PDE6D: variants seen among roughly 807,000 people sequenced by gnomAD.
The protein encoded by PDE6D is phosphodiesterase 6D, also known as retinal rod rhodopsin-sensitive cGMP 3',5'-cyclic phosphodiesterase subunit delta.
A neutral mutation model predicts 21.9 loss-of-function variants in PDE6D; 10 were observed. The ratio of observed to expected loss-of-function variants is 0.46; its 90% CI spans 0.28 to 0.78. PDE6D has a LOEUF of 0.78. Ranked by LOEUF, PDE6D falls within the 30% of genes least tolerant of loss-of-function variation. The probability of loss-of-function intolerance (pLI) is 0.12; values close to 1 mark genes in which losing one functional copy is unlikely to be tolerated. For missense variants in PDE6D, 139 were observed against 184.8 expected (o/e 0.75, Z 1.44); for synonymous variants, 59 against 63.5 (o/e 0.93, Z 0.34).
chr2:231,781,252 CCT>C lies in PDE6D; in HGVS notation c.-140_-139del. The C allele has an allele frequency of 1.4e-6, 1 of 723,792 alleles. No homozygotes were observed. 44.8% of individuals were successfully genotyped at this position (723,792 alleles called of 1,614,324 possible). ...GCCGCAGCGGCCAGACCAGGACCGGCCTCTCTCTCCCCTCAGCTCCCGCTTCT... is the reference window on the plus strand; with the variant it reads ...GCCGCAGCGGCCAGACCAGGACCGGCCTCTCTCCCCTCAGCTCCCGCTTCT... On this transcript the variant is annotated 5_prime_UTR_variant, in exon 1 of 5. Coordinates refer to ENST00000287600, the MANE Select transcript of PDE6D (RefSeq NM_002601.4).
rs563584334 is a variant in PDE6D, at chr2:231,744,612, T to C, written c.51-5424A>G. On this transcript the variant is annotated intron_variant, in intron 1 of 4. Coordinates refer to ENST00000287600, the MANE Select transcript of PDE6D (RefSeq NM_002601.4). ...CCATGCCCGGCTAATTTTGTATTTT[T>C]AGTAGCGATGGGGTTTCTCCATGTT... Among the ~76,000 whole-genome samples the C allele has an allele frequency of 1.1e-4, 17 of 152,182 alleles. No individual in the cohort carries two copies. In the South Asian group the frequency reaches 2.9e-3, roughly 26 times the overall value.
intron 1 of PDE6D, among the ~76,000 whole-genome samples, chr2:231,756,098 C>T (rs543408221): frequency 1.2e-4 from 19 of 152,072 alleles, no homozygotes; most frequent in Non-Finnish European, 2.4e-4. Flanking sequence ...TCCCTAATTA[C>T]AGAACATTTC....
intron 1 of PDE6D, chr2:231,768,801 T>A (rs2048992618): frequency 6.6e-6 from 1 of 152,222 alleles, no homozygotes. Context: ...CACATTGCAT[T>A]CTGATTGTTA....
Position 231,781,221 on chromosome 2 carries a change from C to A in PDE6D, c.-107G>T, listed in dbSNP as rs2049122085. Reference sequence around the variant, plus strand: ...CGCAGCCCGGCTTGGAGACCTCGGGCTAGCAGCCGCAGCGGCCAGACCAGG... The same window carrying A: ...CGCAGCCCGGCTTGGAGACCTCGGGATAGCAGCCGCAGCGGCCAGACCAGG... On this transcript the variant is annotated 5_prime_UTR_variant, in exon 1 of 5. Transcript: ENST00000287600. 3 of 1,075,074 alleles carry A rather than the reference C, an allele frequency of 2.8e-6. No homozygotes were observed. The highest frequency in any genetic ancestry group is 4.2e-6 in the Non-Finnish European group (3 of 712,440). 66.6% of individuals were successfully genotyped at this position (1,075,074 alleles called of 1,614,324 possible).
At chr2:231,736,876 GACTAAGGCTCAGAGAGATAA>G (rs1211248712) in intron 4 of PDE6D, among the ~76,000 whole-genome samples, 2 of 152,214 alleles carry the variant, frequency 1.3e-5, no homozygotes, top group Non-Finnish European at 2.9e-5. Flanking sequence ...AGAGATGAAA[GACTAAGGCTCAGAGAGATAA>G]AGTATATTAG....
At chr2:231,777,010 AG>A (rs1212617900) in intron 1 of PDE6D, among the ~76,000 whole-genome samples, 1 of 152,210 alleles carries the variant, frequency 6.6e-6, no homozygotes, top group East Asian at 1.9e-4. Context: ...GTATGGATCT[AG>A]GGATCCAGGA....
chr2:231,736,197 C>T (rs2048701008), intron 4 of PDE6D, among the ~76,000 whole-genome samples: 1 of 151,940 alleles, frequency 6.6e-6, no homozygotes, highest in Non-Finnish European at 1.5e-5. Context: ...TAAACAAAAC[C>T]CAAAACAAAA....
chr2:231,760,182 G>GA (rs1464414934), intron 1 of PDE6D, among the ~76,000 whole-genome samples: 4 of 152,242 alleles, frequency 2.6e-5, no homozygotes, highest in African/African-American at 9.6e-5. Flanking sequence ...ATCAATAGAA[G>GA]AAAGTAAGGG....
At chr2:231,763,312 C>T (rs965246023) in intron 1 of PDE6D, among the ~76,000 whole-genome samples, 1 of 152,148 alleles carries the variant, frequency 6.6e-6, no homozygotes, top group Non-Finnish European at 1.5e-5. Context: ...CTCACTTAAT[C>T]ATTTCCCTCC....
At chr2:231,776,947 T>C (rs1435042321) in intron 1 of PDE6D, among the ~76,000 whole-genome samples, 1 of 152,190 alleles carries the variant, frequency 6.6e-6, no homozygotes, top group Non-Finnish European at 1.5e-5. Flanking sequence ...TCTTGAGAGG[T>C]AGTATAGCGC....
intron 1 of PDE6D, among the ~76,000 whole-genome samples, chr2:231,749,502 C>CTT (rs150014433): frequency 2.4e-5 from 3 of 122,964 alleles, no homozygotes; most frequent in Admixed American, 8.3e-5. Context: ...TCAGATGAGA[C>CTT]TTTTTTTTTT....
At chr2:231,740,460 A>G (rs2048737974) in intron 1 of PDE6D, among the ~76,000 whole-genome samples, 1 of 152,004 alleles carries the variant, frequency 6.6e-6, no homozygotes, top group Non-Finnish European at 1.5e-5. Flanking sequence ...AGGTGGGTGG[A>G]TTCCTTGAGC....
At chr2:231,755,637 T>G (rs868644329) in intron 1 of PDE6D, among the ~76,000 whole-genome samples, 2 of 152,150 alleles carry the variant, frequency 1.3e-5, no homozygotes, top group African/African-American at 4.8e-5. Flanking sequence ...AAAAAAAAAG[T>G]TGGCTGGGCA....
At chr2:231,762,715 GA>G (rs1472013901) in intron 1 of PDE6D, among the ~76,000 whole-genome samples, 1 of 152,254 alleles carries the variant, frequency 6.6e-6, no homozygotes, top group South Asian at 2.1e-4. Flanking sequence ...AATGGACGTA[GA>G]AGGCTTGTTT....
At chr2:231,762,087 G>A (rs980816113) in intron 1 of PDE6D, among the ~76,000 whole-genome samples, 2 of 152,210 alleles carry the variant, frequency 1.3e-5, no homozygotes, top group African/African-American at 4.8e-5. Context: ...GATATGCTTA[G>A]TAGAGAAGGA....
chr2:231,769,549 T>C (rs748609334), intron 1 of PDE6D, among the ~76,000 whole-genome samples: 17 of 151,714 alleles, frequency 1.1e-4, no homozygotes, highest in Non-Finnish European at 1.8e-4. Flanking sequence ...CACAGAGATA[T>C]GTATATATAT....
At chr2:231,758,965 C>A (rs767236859) in intron 1 of PDE6D, among the ~76,000 whole-genome samples, 5 of 152,028 alleles carry the variant, frequency 3.3e-5, no homozygotes, top group Non-Finnish European at 7.4e-5. Context: ...TACTCTATAC[C>A]ACCAGACAGG....
chr2:231,763,832 A>G (rs2048950430), intron 1 of PDE6D, among the ~76,000 whole-genome samples: 1 of 151,632 alleles, frequency 6.6e-6, no homozygotes, highest in South Asian at 2.1e-4. Context: ...CTGTTGAGAC[A>G]GAGTCTATGT....
intron 1 of PDE6D, among the ~76,000 whole-genome samples, chr2:231,756,629 G>C (rs1270369213): frequency 7.0e-6 from 1 of 142,654 alleles, no homozygotes; most frequent in Non-Finnish European, 1.5e-5. Flanking sequence ...TTGAGAGACA[G>C]GGTCTCTCTC....
Sources: gnomAD v4.1 joint callset for allele counts (sites outside exome capture counted in the v4.1 genomes callset) on GRCh38, gnomAD v4.1.1 for gene constraint, MANE v1.5 for transcripts, NCBI Gene and HGNC (gene_info 2026-07-23, HGNC 2026-07-21) for gene names.